The following PCLO variants were observed in gnomAD, a reference collection of about 807,000 sequenced individuals.
PCLO encodes the protein piccolo presynaptic cytomatrix protein, also known as protein piccolo.
In PCLO, 82 loss-of-function variants were observed where a neutral mutation model predicts 427.5. The observed-to-expected ratio is 0.19, with a 90% CI of 0.16 to 0.23. The LOEUF (loss-of-function observed/expected upper bound fraction) is 0.23, where lower values mean the gene tolerates loss of function less well. PCLO is among the 10% of genes least tolerant of loss of function. The pLI is 1.00. For synonymous variants in PCLO, 2,357 were observed against 2,155.4 expected, an observed-to-expected ratio of 1.09 and a Z score of -2.59; for missense variants, 6,239 against 6,115.9, an observed-to-expected ratio of 1.02 and a Z score of -0.67.
At chr7:83,030,222 C>A (rs1452150630) in intron 3 of PCLO, among the ~76,000 whole-genome samples, 1 of 132,016 alleles carries the variant, frequency 7.6e-6, no homozygotes, top group Non-Finnish European at 1.7e-5. Context: ...TTTGATAAGT[C>A]CAACAGTTGG....
At chr7:83,080,080 C>T (rs1194536091) in intron 3 of PCLO, among the ~76,000 whole-genome samples, 2 of 152,124 alleles carry the variant, frequency 1.3e-5, no homozygotes, top group Non-Finnish European at 2.9e-5. Flanking sequence ...CATAGTATTC[C>T]ATGGTGTATA....
intron 3 of PCLO, among the ~76,000 whole-genome samples, chr7:83,080,072 T>G (rs185124694): frequency 6.6e-6 from 1 of 152,318 alleles, no homozygotes; most frequent in East Asian, 1.9e-4. Context: ...CATGGCTGCA[T>G]AGTATTCCAT....
In PCLO at chr7:83,135,694, C is replaced by T; in HGVS notation, c.1894-38G>A. The T allele has an allele frequency of 2.2e-6, 3 of 1,342,324 alleles. No individual in the cohort carries two copies. The South Asian group carries it at 4.3e-5, about 19-fold the overall frequency. 83.2% of individuals were successfully genotyped at this position (1,342,324 alleles called of 1,614,324 possible). The stretch of plus-strand genomic sequence containing the variant: ...TAAAACAATGGTCACCGAGACAATA[C>T]TGTAAAAACACAAAAATGTTTTCAA... On this transcript the variant is annotated intron_variant, in intron 2 of 24. Coordinates refer to ENST00000333891, the MANE Select transcript of PCLO (RefSeq NM_033026.6).
At chr7:83,148,957 C>T (rs1024199975) in intron 2 of PCLO, among the ~76,000 whole-genome samples, 6 of 152,120 alleles carry the variant, frequency 3.9e-5, no homozygotes, top group African/African-American at 1.4e-4. Context: ...GGTAATAGTT[C>T]AGGGGATTTG....
At chr7:82,988,990 A>G (rs1796316635) in intron 3 of PCLO, among the ~76,000 whole-genome samples, 1 of 151,580 alleles carries the variant, frequency 6.6e-6, no homozygotes, top group Non-Finnish European at 1.5e-5. Flanking sequence ...ATGCACCACC[A>G]TGCCTGGCTA....
At chr7:83,157,049 T>C (rs1337802641) in intron 1 of PCLO, among the ~76,000 whole-genome samples, 2 of 152,168 alleles carry the variant, frequency 1.3e-5, no homozygotes, top group East Asian at 1.9e-4. Flanking sequence ...TTAATTTTAC[T>C]TGGGCTTCTA....
chr7:82,851,719 T>C (rs1316840464), intron 10 of PCLO, among the ~76,000 whole-genome samples: 1 of 152,156 alleles, frequency 6.6e-6, no homozygotes, highest in Admixed American at 6.6e-5. Context: ...AGGTTAATTT[T>C]CCAAATTTGA....
chr7:82,838,223 C>G lies in PCLO; in HGVS notation c.14217G>C (p.Gly4739=), dbSNP rs781587683. Residue 4739 remains glycine, a synonymous_variant, in exon 15 of 25, where the codon GGG becomes GGC. Transcript: ENST00000333891. ...TACTTCTTAATTTTACTTACCCTCT[C>G]CCTGGAAGAAGGTACACTTTCACAA... ...DPFVKVYLLP[G]RGQVMVVQNA... 38 of 1,597,762 alleles carry G rather than the reference C, an allele frequency of 2.4e-5. No individual in the cohort carries two copies. The Middle Eastern group carries it at 5.0e-4, about 21-fold the overall frequency.
chr7:82,895,134 G>A (rs1452149084), intron 9 of PCLO, among the ~76,000 whole-genome samples: 1 of 151,864 alleles, frequency 6.6e-6, no homozygotes, highest in East Asian at 1.9e-4. Context: ...TACCAAATAG[G>A]TTTTCCAACT....
At chr7:83,008,275 G>A (rs549652543) in intron 3 of PCLO, among the ~76,000 whole-genome samples, 1 of 151,540 alleles carries the variant, frequency 6.6e-6, no homozygotes, top group South Asian at 2.1e-4. Flanking sequence ...CTTCTTTTAA[G>A]GTCAAAATAG....
At chr7:83,052,533 T>A (rs1260423767) in intron 3 of PCLO, among the ~76,000 whole-genome samples, 1 of 152,044 alleles carries the variant, frequency 6.6e-6, no homozygotes, top group African/African-American at 2.4e-5. Flanking sequence ...TATGAGATAA[T>A]GCTTATCATG....
chr7:82,813,200 G>A (rs984078713), intron 20 of PCLO, among the ~76,000 whole-genome samples: 11 of 151,598 alleles, frequency 7.3e-5, no homozygotes, highest in African/African-American at 2.4e-4. Flanking sequence ...GAGGAAGTTT[G>A]GACAGTTATT....
rs768017355 is a variant in PCLO, at chr7:83,134,850, C to T, written c.2700G>A (p.Glu900=). 1.9e-6 allele frequency: 3 copies of T among 1,610,584 alleles called. No homozygotes were observed. Among genetic ancestry groups the T allele is most frequent in the Non-Finnish European group, 2.5e-6 (3 of 1,178,092 alleles). The change falls in exon 3 of 25, where the codon GAG becomes GAA. Residue 900 remains glutamate (E), a synonymous_variant. Transcript: ENST00000333891. The part of the protein sequence containing the change: ...PTPQQSPKPQ[E]QSRRFSLNLG... Reference sequence around the variant, plus strand: ...GATTCAGACTGAAACGCCTTGACTGCTCCTGAGGCTTTGGGGACTGTTGAG... The same window carrying T: ...GATTCAGACTGAAACGCCTTGACTGTTCCTGAGGCTTTGGGGACTGTTGAG...
chr7:82,960,456 C>T (rs1795631328), intron 4 of PCLO, among the ~76,000 whole-genome samples: 1 of 152,056 alleles, frequency 6.6e-6, no homozygotes, highest in Non-Finnish European at 1.5e-5. Context: ...ATCATTTTAA[C>T]CAGAAATGAA....
At chr7:83,023,210 A>G (rs554483459) in intron 3 of PCLO, among the ~76,000 whole-genome samples, 25 of 152,330 alleles carry the variant, frequency 1.6e-4, no homozygotes, top group African/African-American at 6.0e-4. Context: ...TGACTTCCAA[A>G]TCTACTAATT....
In PCLO at chr7:82,953,702, AG is replaced by A; in HGVS notation, c.7250del (p.Pro2417LeufsTer27). 1 of 348,256 alleles carries A rather than the reference AG, an allele frequency of 2.9e-6. No homozygotes were observed. The highest frequency in any genetic ancestry group is 2.5e-5 in the South Asian group (1 of 40,342). The allele number at this position is 348,256 out of a possible 1,614,324, so 21.6% of individuals were successfully genotyped here. A position where few individuals can be genotyped will look rare whatever the true frequency, so the allele number is the denominator to read the frequency against. ...GTGGGGGAGGAGGGGGTGGTGGTGG[AG>A]GAGGAGGAGGAGGGGGAGGGGGAGG... ...PPPPPPPPPPPPPPPPPPPPL... is the reference protein window; with the variant it reads ...PPPPPPPPPPXPPPPPPPPPL... On this transcript the variant is annotated frameshift_variant, in exon 5 of 25. Coordinates refer to ENST00000333891, the MANE Select transcript of PCLO (RefSeq NM_033026.6). LOFTEE classifies it high-confidence loss of function.
At chr7:82,782,128 G>A (rs1790884983) in intron 22 of PCLO, among the ~76,000 whole-genome samples, 1 of 152,190 alleles carries the variant, frequency 6.6e-6, no homozygotes, top group Admixed American at 6.5e-5. Context: ...TGTATTGGGA[G>A]GCAGTCTTGG....
At chr7:82,876,722 G>T (rs752502357) in intron 10 of PCLO, among the ~76,000 whole-genome samples, 2 of 152,018 alleles carry the variant, frequency 1.3e-5, no homozygotes, top group African/African-American at 4.8e-5. Flanking sequence ...TTCAGAACCA[G>T]TATTTAAATA....
In PCLO at chr7:82,952,854, G is replaced by C. The variant is rs1476899714; in HGVS notation, c.8099C>G (p.Pro2700Arg). 6.2e-7 allele frequency: 1 copy of C among 1,613,518 alleles called. No homozygotes were observed. The highest frequency in any genetic ancestry group is 1.1e-5 in the South Asian group (1 of 91,082). The change falls in exon 5 of 25, where the codon CCA becomes CGA. Residue 2700 changes from proline (P) to arginine (R), a missense_variant. Physicochemically the swap from Pro to Arg is moderately radical, Grantham distance 103. Transcript: ENST00000333891. ...TATGTTATCTAGAGCAAGAGGCTCT[G>C]GAGGAATTGTTATGGAAATGCTGCT... ...GLSSISITIP[P>R]EPLALDNIHL... is the part of the protein sequence containing the mutation.
Sources: allele counts gnomAD v4.1 joint callset (sites outside exome capture counted in the v4.1 genomes callset), GRCh38; gene constraint gnomAD v4.1.1; transcripts MANE v1.5; gene names NCBI Gene and HGNC (gene_info 2026-07-23, HGNC 2026-07-21).